The following ITPK1 variants were observed in gnomAD, a reference collection of about 807,000 sequenced individuals.
The protein encoded by ITPK1 is inositol 1,3,4-trisphosphate 5/6-kinase.
In ITPK1, 21 loss-of-function variants were observed where a neutral mutation model predicts 45.3. The ratio of observed to expected loss-of-function variants is 0.46; its 90% CI spans 0.33 to 0.67. ITPK1 has a LOEUF of 0.67. Ranked by LOEUF, ITPK1 falls within the 30% of genes least tolerant of loss-of-function variation. The pLI, the probability that ITPK1 is intolerant of heterozygous loss-of-function variation, is 0.02. For synonymous variants in ITPK1, 258 were observed against 253.6 expected, an observed-to-expected ratio of 1.02 and a Z score of -0.16; for missense variants, 474 against 573.5, an observed-to-expected ratio of 0.83 and a Z score of 1.77.
chr14:92,977,060 T>C (rs1271410530), intron 5 of ITPK1, among the ~76,000 whole-genome samples: 1 of 152,240 alleles, frequency 6.6e-6, no homozygotes, highest in East Asian at 1.9e-4. Flanking sequence ...GGTGCCTTCA[T>C]TTCCTGATCT....
At chr14:93,042,642 G>C (rs951752137) in intron 3 of ITPK1, among the ~76,000 whole-genome samples, 2 of 152,178 alleles carry the variant, frequency 1.3e-5, no homozygotes, top group Admixed American at 1.3e-4. Flanking sequence ...ACTGGGGCTT[G>C]TGGGGTGGCT....
intron 2 of ITPK1, among the ~76,000 whole-genome samples, chr14:93,093,033 G>A (rs1891926867): frequency 1.3e-5 from 2 of 152,168 alleles, no homozygotes; most frequent in African/African-American, 4.8e-5. Flanking sequence ...TCTTCACAAT[G>A]ACGCCCCCAG....
chr14:92,939,754 G>A lies in ITPK1; in HGVS notation c.*1807C>T, dbSNP rs1887264939. ...CCCCCACCCGTACCTGAGGCAGACT[G>A]GGATTGAAATTTTATTTTTAAAAGG... is the stretch of plus-strand genomic sequence containing the variant. On this transcript the variant is annotated 3_prime_UTR_variant, in exon 11 of 11. Transcript: ENST00000267615. 2.0e-6 allele frequency: 2 copies of A among 985,486 alleles called. No individual in the cohort carries two copies. Among genetic ancestry groups the A allele is most frequent in the African/African-American group, 3.5e-5 (2 of 57,218 alleles). 61.0% of individuals were successfully genotyped at this position (985,486 alleles called of 1,614,324 possible).
rs546578714 is a variant in ITPK1, at chr14:93,086,751, G to C, written c.96-10132C>G. Among the ~76,000 whole-genome samples the C allele has an allele frequency of 2.6e-5, 4 of 152,358 alleles. No individual in the cohort carries two copies. In the South Asian group the frequency reaches 8.3e-4, roughly 32 times the overall value. On this transcript the variant is annotated intron_variant, in intron 2 of 10. Transcript: ENST00000267615. The stretch of plus-strand genomic sequence containing the variant: ...AGGCTGCCAGGGCACGCTAGAGAAG[G>C]CCTGCTAAGCACCAGGAGAAGCAAA...
At chr14:93,026,687 A>G (rs1040268502) in intron 3 of ITPK1, among the ~76,000 whole-genome samples, 4 of 152,240 alleles carry the variant, frequency 2.6e-5, no homozygotes, top group Non-Finnish European at 5.9e-5. Context: ...TGTAATCGCC[A>G]AAAATTAGTA....
chr14:92,951,403 G>A (rs1032191352), intron 9 of ITPK1, among the ~76,000 whole-genome samples: 2 of 152,186 alleles, frequency 1.3e-5, no homozygotes, highest in Non-Finnish European at 2.9e-5. Context: ...GAGCCTCTCT[G>A]ATGCCATGAG....
At chr14:92,966,749 A>T (rs1885387746) in intron 5 of ITPK1, among the ~76,000 whole-genome samples, 1 of 152,268 alleles carries the variant, frequency 6.6e-6, no homozygotes, top group South Asian at 2.1e-4. Context: ...ACAGACATAC[A>T]GATCAATGGA....
At chr14:93,057,816 C>T (rs535204972) in intron 3 of ITPK1, among the ~76,000 whole-genome samples, 1 of 152,356 alleles carries the variant, frequency 6.6e-6, no homozygotes, top group Non-Finnish European at 1.5e-5. Flanking sequence ...AGGCACCCTC[C>T]TGGTCATTCT....
At chr14:92,946,278 C>CT in intron 10 of ITPK1, 53 bp downstream of exon 10, 2 of 1,602,458 alleles carry the variant, frequency 1.2e-6, no homozygotes, top group Non-Finnish European at 1.7e-6. Context: ...GCCTGGTCAC[C>CT]TGAGGACAGT....
At chr14:92,954,569 G>A (rs1445066080) in intron 8 of ITPK1, among the ~76,000 whole-genome samples, 1 of 152,212 alleles carries the variant, frequency 6.6e-6, no homozygotes, top group Non-Finnish European at 1.5e-5. Flanking sequence ...ACGTTCTACA[G>A]GGAGGGAGGG....
At chr14:92,977,084 A>G in intron 5 of ITPK1, among the ~76,000 whole-genome samples, 1 of 152,370 alleles carries the variant, frequency 6.6e-6, no homozygotes, top group East Asian at 1.9e-4. Flanking sequence ...AAATGGCAAT[A>G]AGAGCAGTCC....
Position 93,032,109 on chromosome 14 carries a change from G to C in ITPK1, c.121-15308C>G, listed in dbSNP as rs1042267295. 6.6e-5 allele frequency among the ~76,000 whole-genome samples: 10 copies of C among 152,166 alleles called. No homozygotes were observed. Among genetic ancestry groups the C allele is most frequent in the African/African-American group, 2.4e-4 (10 of 41,438 alleles). On this transcript the variant is annotated intron_variant, in intron 3 of 10. Transcript: ENST00000267615. This position sits in a 1 kb window ranked among gnomAD's most constrained non-coding sequence, Gnocchi z 4.0. ...TCACGCCTGTCATCCCAGCACTTTA[G>C]GAGGCTGGGGCGGGCGGATCACTTG...
At chr14:92,948,394 C>T (rs1188970553) in intron 9 of ITPK1, among the ~76,000 whole-genome samples, 1 of 152,216 alleles carries the variant, frequency 6.6e-6, no homozygotes, top group Non-Finnish European at 1.5e-5. Context: ...CACTCTGTCA[C>T]CCAGGCTGGA....
At position 92,938,257 on chromosome 14, in the gene ITPK1, CAG is replaced by C. The variant is rs1479985947; in HGVS notation, c.*3302_*3303del. On this transcript the variant is annotated 3_prime_UTR_variant, in exon 11 of 11. Transcript: ENST00000267615. ...ACAGGCGTGAGCCGCCATGCCCGGC[CAG>C]AGTTTCTAGGGAATAGAAGAGAGGG... is the stretch of plus-strand genomic sequence containing the variant. 5.1e-6 allele frequency: 3 copies of C among 591,310 alleles called. No homozygotes were observed. Among genetic ancestry groups the C allele is most frequent in the Admixed American group, 6.0e-5 (2 of 33,168 alleles). 36.6% of individuals were successfully genotyped at this position (591,310 alleles called of 1,614,324 possible). A position where few individuals can be genotyped will look rare whatever the true frequency, so the allele number is the denominator to read the frequency against.
Position 93,002,584 on chromosome 14 carries a change from ACCC to A in ITPK1, c.247-8590_247-8588del, listed in dbSNP as rs1465708861. 3.3e-5 allele frequency among the ~76,000 whole-genome samples: 5 copies of A among 152,090 alleles called. No individual in the cohort carries two copies. In the East Asian group the frequency reaches 7.7e-4, roughly 24 times the overall value. ...AAGGGAAGCCTTTCTCATGTTCACT[ACCC>A]CAAGGCGAGGCCACCAGCCTGACAG... is the stretch of plus-strand genomic sequence containing the variant. On this transcript the variant is annotated intron_variant, in intron 4 of 10. Transcript: ENST00000267615.
chr14:93,076,517 G>A lies in ITPK1; in HGVS notation c.120+78C>T, dbSNP rs1891224526. The stretch of plus-strand genomic sequence containing the variant: ...AGAGAAAGCCGTGCCCAATGCTGGA[G>A]GAGAGAAGGAGAGACAGAGAGGTGG... On this transcript the variant is annotated intron_variant, in intron 3 of 10. Transcript: ENST00000267615. The surrounding 1 kb of genome is among the most constrained non-coding windows in gnomAD (Gnocchi z 4.3). The A allele has an allele frequency of 2.0e-6, 3 of 1,488,024 alleles. No homozygotes were observed. The highest frequency in any genetic ancestry group is 2.8e-6 in the Non-Finnish European group (3 of 1,068,484). 92.2% of individuals were successfully genotyped at this position (1,488,024 alleles called of 1,614,324 possible).
intron 5 of ITPK1, among the ~76,000 whole-genome samples, chr14:92,971,066 T>G (rs1461084415): frequency 6.6e-6 from 1 of 152,148 alleles, no homozygotes; most frequent in African/African-American, 2.4e-5. Context: ...GGAAGACTCC[T>G]GCTTATCCTC....
intron 2 of ITPK1, among the ~76,000 whole-genome samples, chr14:93,103,288 G>A (rs1201114143): frequency 2.8e-4 from 42 of 151,304 alleles, no homozygotes; most frequent in Admixed American, 4.0e-4. Flanking sequence ...GCGTGGTGGC[G>A]CGTGCTTGTA....
At chr14:93,025,745 A>C (rs1888703237) in intron 3 of ITPK1, among the ~76,000 whole-genome samples, 1 of 152,120 alleles carries the variant, frequency 6.6e-6, no homozygotes, top group Non-Finnish European at 1.5e-5. Context: ...TGATAAGCTT[A>C]ATACCAATAA....
Sources: allele counts gnomAD v4.1 joint callset (sites outside exome capture counted in the v4.1 genomes callset), GRCh38; gene constraint gnomAD v4.1.1; non-coding constraint Gnocchi (gnomAD v3.1); transcripts MANE v1.5; gene names NCBI Gene and HGNC (gene_info 2026-07-23, HGNC 2026-07-21).